KIF27: variants seen among roughly 807,000 people sequenced by gnomAD.
The protein encoded by KIF27 is kinesin family member 27.
KIF27 carries 84 observed loss-of-function variants against 141.8 expected under a neutral mutation model. That is an observed-to-expected ratio of 0.59 (90% CI 0.50 to 0.71). The LOEUF (loss-of-function observed/expected upper bound fraction) is 0.71. KIF27 is among the 30% of genes least tolerant of loss of function. KIF27 has a pLI of 0.00. For synonymous variants in KIF27, 471 were observed against 569.5 expected, an observed-to-expected ratio of 0.83 and a Z score of 2.46; for missense variants, 1,306 against 1,628.4, an observed-to-expected ratio of 0.80 and a Z score of 3.41.
chr9:83,865,837 A>G (rs548489986), intron 13 of KIF27, among the ~76,000 whole-genome samples: 7 of 152,284 alleles, frequency 4.6e-5, no homozygotes, highest in Non-Finnish European at 8.8e-5. Flanking sequence ...CGAAAAGCAG[A>G]TAAGATTTGT....
intron 5 of KIF27, among the ~76,000 whole-genome samples, chr9:83,897,977 C>T (rs1412993259): frequency 6.6e-6 from 1 of 152,080 alleles, no homozygotes; most frequent in African/African-American, 2.4e-5. Context: ...AGTGAGAATG[C>T]TCACATGGAA....
At chr9:83,904,964 A>C (rs1428369913) in intron 3 of KIF27, among the ~76,000 whole-genome samples, 1 of 151,920 alleles carries the variant, frequency 6.6e-6, no homozygotes, top group Non-Finnish European at 1.5e-5. Flanking sequence ...TCAGAGTGCA[A>C]GGTAAACAGA....
chr9:83,844,810 C>T (rs1336347811), intron 16 of KIF27, among the ~76,000 whole-genome samples: 2 of 152,112 alleles, frequency 1.3e-5, no homozygotes, highest in African/African-American at 4.8e-5. Context: ...TGGGGCCTGT[C>T]GAAATATTCC....
intron 14 of KIF27, among the ~76,000 whole-genome samples, chr9:83,856,601 C>A (rs1949227282): frequency 6.6e-6 from 1 of 151,936 alleles, no homozygotes; most frequent in Admixed American, 6.6e-5. Flanking sequence ...ACTAGCCAAG[C>A]ATGATGGCAC....
intron 3 of KIF27, among the ~76,000 whole-genome samples, chr9:83,906,462 C>T (rs1954544715): frequency 6.6e-6 from 1 of 152,092 alleles, no homozygotes; most frequent in Non-Finnish European, 1.5e-5. Context: ...AAGAATAGGC[C>T]AGGCATGGTG....
At chr9:83,864,223 A>G (rs1254032917) in intron 13 of KIF27, among the ~76,000 whole-genome samples, 1 of 152,058 alleles carries the variant, frequency 6.6e-6, no homozygotes, top group Non-Finnish European at 1.5e-5. Flanking sequence ...TAGCTTTTGA[A>G]TGTGTTTGCT....
intron 15 of KIF27, among the ~76,000 whole-genome samples, chr9:83,852,175 G>A (rs1264290137): frequency 9.4e-5 from 14 of 148,408 alleles, no homozygotes; most frequent in African/African-American, 2.7e-4. Flanking sequence ...CCTGGGCGCG[G>A]TGGCTCACGC....
chr9:83,886,437 A>G (rs1407971212), intron 9 of KIF27, among the ~76,000 whole-genome samples: 1 of 152,142 alleles, frequency 6.6e-6, no homozygotes, highest in Non-Finnish European at 1.5e-5. Context: ...GTTGTCAGTG[A>G]GTGCTTACTT....
In KIF27 at chr9:83,837,319, C is replaced by T; in HGVS notation, c.3888G>A (p.Trp1296Ter). 2 of 1,607,384 alleles carry T rather than the reference C, an allele frequency of 1.2e-6. No individual in the cohort carries two copies. Among genetic ancestry groups the T allele is most frequent in the South Asian group, 2.2e-5 (2 of 90,888 alleles). Residue 1296 changes from tryptophan to a stop codon, truncating the protein, a stop_gained, in exon 18 of 18, where the codon TGG becomes TGA. Coordinates refer to ENST00000297814, the MANE Select transcript of KIF27 (RefSeq NM_017576.4). LOFTEE classifies it low-confidence loss of function (END_TRUNC). The stretch of plus-strand genomic sequence containing the variant: ...TTGGAGGTAATTCTGGGATATCTTC[C>T]CAGAGCTTTTGAGGATTTGGCTGTG... ...LRTQPNPQKL[W>*]EDIPELPPIH...
intron 16 of KIF27, among the ~76,000 whole-genome samples, chr9:83,848,251 TATG>T (rs1208373256): frequency 3.2e-5 from 3 of 93,936 alleles, no homozygotes; most frequent in Admixed American, 1.0e-4. Context: ...ATATATCAGA[TATG>T]ATATATATGA....
At chr9:83,848,086 T>G (rs1325566906) in intron 16 of KIF27, among the ~76,000 whole-genome samples, 2 of 48,910 alleles carry the variant, frequency 4.1e-5, no homozygotes, top group Non-Finnish European at 7.3e-5. Context: ...TGATATATCA[T>G]ATATATGATA....
chr9:83,888,594 T>G lies in KIF27; in HGVS notation c.1980-2A>C, dbSNP rs780592104. The G allele has an allele frequency of 6.5e-7, 1 of 1,539,560 alleles. No individual in the cohort carries two copies. Among genetic ancestry groups the G allele is most frequent in the Admixed American group, 1.9e-5 (1 of 52,280 alleles). ...TGAATCCATGAACGACTTCTACATC[T>G]TAAAAAAAAATCAGAAAGTTAACTT... is the stretch of plus-strand genomic sequence containing the variant. On this transcript the variant is annotated splice_acceptor_variant, in intron 7 of 17. Transcript: ENST00000297814. LOFTEE classifies it high-confidence loss of function.
At chr9:83,906,037 T>A (rs1184796433) in intron 3 of KIF27, among the ~76,000 whole-genome samples, 1 of 152,228 alleles carries the variant, frequency 6.6e-6, no homozygotes, top group East Asian at 1.9e-4. Context: ...GATGGTGAAG[T>A]GTATATACTT....
At chr9:83,909,311 G>A (rs1320273692) in intron 2 of KIF27, among the ~76,000 whole-genome samples, 1 of 152,116 alleles carries the variant, frequency 6.6e-6, no homozygotes, top group Non-Finnish European at 1.5e-5. Context: ...GGTGACATCT[G>A]AGAAAAGACT....
At chr9:83,838,821 A>T (rs1237311839) in intron 17 of KIF27, 1 of 152,238 alleles carries the variant, frequency 6.6e-6, no homozygotes. Flanking sequence ...TAGGCATTCT[A>T]GTTTGTAACC....
rs1239398854 is a variant in KIF27 at position 83,842,410 on chromosome 9, C to T, written c.3557-9G>A. ...GCCTTCTCCATCTTGTTCTATACAA[C>T]AAAAATTTGCATTTAAAATCAGTTT... On this transcript the variant is annotated splice_polypyrimidine_tract_variant and intron_variant, in intron 16 of 17. Coordinates refer to ENST00000297814, the MANE Select transcript of KIF27 (RefSeq NM_017576.4). 3 of 1,474,588 alleles carry T rather than the reference C, an allele frequency of 2.0e-6. No individual in the cohort carries two copies. The highest frequency in any genetic ancestry group is 1.5e-5 in the African/African-American group (1 of 68,560). 91.3% of individuals were successfully genotyped at this position (1,474,588 alleles called of 1,614,324 possible).
At chr9:83,866,852 A>G (rs2131989314) in intron 13 of KIF27, among the ~76,000 whole-genome samples, 1 of 152,034 alleles carries the variant, frequency 6.6e-6, no homozygotes, top group South Asian at 2.1e-4. Context: ...CTCCAGTCTC[A>G]AAAAATTAAA....
chr9:83,919,940 AT>A (rs1374306136), intron 1 of KIF27, among the ~76,000 whole-genome samples: 14 of 151,118 alleles, frequency 9.3e-5, no homozygotes, highest in Non-Finnish European at 1.5e-5. Flanking sequence ...ATTAAAAAAA[AT>A]AATAATGGGG....
At chr9:83,895,313 A>C (rs572160530) in intron 5 of KIF27, among the ~76,000 whole-genome samples, 23 of 152,028 alleles carry the variant, frequency 1.5e-4, no homozygotes, top group Non-Finnish European at 2.5e-4. Context: ...CCATATTAGC[A>C]GAATAAGGAA....
Sources: gnomAD v4.1 joint callset for allele counts (sites outside exome capture counted in the v4.1 genomes callset) on GRCh38, gnomAD v4.1.1 for gene constraint, MANE v1.5 for transcripts, NCBI Gene and HGNC (gene_info 2026-07-23, HGNC 2026-07-21) for gene names.